EBF2: variants seen among roughly 807,000 people sequenced by gnomAD.
EBF2 encodes EBF transcription factor 2.
EBF2 carries 21 observed loss-of-function variants against 72.8 expected under a neutral mutation model. The ratio of observed to expected loss-of-function variants is 0.29; its 90% confidence interval spans 0.20 to 0.42. EBF2 has a LOEUF of 0.42. EBF2 is among the 10% of genes least tolerant of loss of function. EBF2 has a pLI of 1.00. For synonymous variants in EBF2, 299 were observed against 274.2 expected (o/e 1.09, Z -0.89); for missense variants, 637 against 731.2 (o/e 0.87, Z 1.49).
intron 7 of EBF2, among the ~76,000 whole-genome samples, chr8:25,904,418 G>C (rs1453961396): frequency 6.6e-6 from 1 of 151,642 alleles, no homozygotes; most frequent in Non-Finnish European, 1.5e-5. Flanking sequence ...AAAGAATCCA[G>C]GTTCCACCAG....
At chr8:25,986,963 A>G (rs1349416506) in intron 6 of EBF2, among the ~76,000 whole-genome samples, 1 of 152,160 alleles carries the variant, frequency 6.6e-6, no homozygotes, top group African/African-American at 2.4e-5. Flanking sequence ...CCTCACCCCC[A>G]TCAGCTCTGT....
At chr8:25,895,929 G>A (rs1030507213) in intron 7 of EBF2, among the ~76,000 whole-genome samples, 9 of 127,130 alleles carry the variant, frequency 7.1e-5, no homozygotes, top group Non-Finnish European at 9.2e-5. Context: ...GTGTATGTGT[G>A]TGTGTGTGTG....
At chr8:25,921,628 G>T (rs538653257) in intron 6 of EBF2, among the ~76,000 whole-genome samples, 33 of 152,270 alleles carry the variant, frequency 2.2e-4, no homozygotes, top group African/African-American at 7.0e-4. Context: ...TACCAAAAAT[G>T]AAATCTTTCT....
intron 6 of EBF2, among the ~76,000 whole-genome samples, chr8:25,976,732 C>T (rs1168885930): frequency 6.6e-6 from 1 of 152,166 alleles, no homozygotes; most frequent in African/African-American, 2.4e-5. Flanking sequence ...AATGTGTATA[C>T]ATTAGGGTTG....
chr8:25,951,264 G>A (rs1803856562), intron 6 of EBF2, among the ~76,000 whole-genome samples: 1 of 152,146 alleles, frequency 6.6e-6, no homozygotes, highest in African/African-American at 2.4e-5. Context: ...GACAGTGCCA[G>A]CAACTAGAAT....
At chr8:25,961,426 C>T (rs1430921317) in intron 6 of EBF2, among the ~76,000 whole-genome samples, 6 of 152,132 alleles carry the variant, frequency 3.9e-5, no homozygotes, top group Non-Finnish European at 5.9e-5. Context: ...TGCAGTGGCG[C>T]GATCTTGGCT....
chr8:25,871,558 G>A (rs1183837834), intron 10 of EBF2, among the ~76,000 whole-genome samples: 1 of 152,176 alleles, frequency 6.6e-6, no homozygotes, highest in African/African-American at 2.4e-5. Context: ...GGCATGGCAT[G>A]AAGTTAAATA....
At position 25,842,184 on chromosome 8, in the gene EBF2, A is replaced by C. The variant is rs1310704530; in HGVS notation, c.*2425T>G. On this transcript the variant is annotated 3_prime_UTR_variant, in exon 16 of 16. Coordinates refer to ENST00000520164, the MANE Select transcript of EBF2 (RefSeq NM_022659.4). ...TGGCACAAAAATAACTTGGGACTGG[A>C]ATGATTGAATAGCAATGACTAACGA... is the stretch of plus-strand genomic sequence containing the variant. 6.6e-6 allele frequency: 1 copy of C among 152,226 alleles called. No homozygotes were observed. Among genetic ancestry groups the C allele is most frequent in the African/African-American group, 2.4e-5 (1 of 41,462 alleles). 9.4% of individuals were successfully genotyped at this position (152,226 alleles called of 1,614,324 possible).
At chr8:26,027,079 G>A (rs528726558) in intron 6 of EBF2, among the ~76,000 whole-genome samples, 2 of 152,200 alleles carry the variant, frequency 1.3e-5, no homozygotes, top group African/African-American at 2.4e-5. Flanking sequence ...ACCCATTTCC[G>A]AGGAATGGGA....
At chr8:25,891,590 T>G (rs1022319584) in intron 7 of EBF2, among the ~76,000 whole-genome samples, 4 of 151,858 alleles carry the variant, frequency 2.6e-5, no homozygotes, top group Admixed American at 6.6e-5. Context: ...ATTTTTTTTT[T>G]TTTTTGAGAT....
chr8:25,859,575 T>C (rs772108038), intron 13 of EBF2, among the ~76,000 whole-genome samples: 10 of 152,184 alleles, frequency 6.6e-5, no homozygotes, highest in Non-Finnish European at 1.3e-4. Flanking sequence ...TCGTATCATA[T>C]GTCCTGGAAT....
chr8:25,908,382 T>G (rs972206407), intron 7 of EBF2, 92 bp downstream of exon 7: 2 of 982,430 alleles, frequency 2.0e-6, no homozygotes, highest in Non-Finnish European at 3.1e-6. Context: ...CAGTGAATAG[T>G]AATTTTTAAA....
In EBF2 at chr8:26,015,893, G is replaced by A. The variant is rs114573000; in HGVS notation, c.551+17192C>T. On this transcript the variant is annotated intron_variant, in intron 6 of 15. Transcript: ENST00000520164. The stretch of plus-strand genomic sequence containing the variant: ...CTCCTTAGCCCTGACCTGATGTGGT[G>A]CCTCCCCAGCACCACAATGCCCTCA... 1.7e-3 allele frequency among the ~76,000 whole-genome samples: 253 copies of A among 152,266 alleles called. 1 individual carries two copies. The highest frequency in any genetic ancestry group is 4.3e-3 in the African/African-American group (180 of 41,548).
At chr8:26,024,769 G>C (rs1288305718) in intron 6 of EBF2, among the ~76,000 whole-genome samples, 1 of 152,150 alleles carries the variant, frequency 6.6e-6, no homozygotes, top group Non-Finnish European at 1.5e-5. Context: ...TTTTTTTAAA[G>C]CATCTGTTGT....
At chr8:25,866,131 C>A (rs1466140311) in intron 10 of EBF2, among the ~76,000 whole-genome samples, 2 of 151,774 alleles carry the variant, frequency 1.3e-5, no homozygotes, top group Non-Finnish European at 2.9e-5. Context: ...TTCATATCAT[C>A]TACTTACAGT....
intron 6 of EBF2, among the ~76,000 whole-genome samples, chr8:26,001,940 G>C (rs1005925891): frequency 7.2e-5 from 11 of 152,104 alleles, no homozygotes; most frequent in African/African-American, 2.7e-4. Flanking sequence ...GCTCACATAG[G>C]AACTCCAGAA....
At chr8:26,040,425 C>T (rs1430766281) in intron 4 of EBF2, among the ~76,000 whole-genome samples, 191 bp downstream of exon 4, 5 of 149,778 alleles carry the variant, frequency 3.3e-5, no homozygotes, top group Non-Finnish European at 7.4e-5. Flanking sequence ...AAACAGGTCA[C>T]TTGGTGAGAC....
chr8:26,023,961 C>T (rs562873151), intron 6 of EBF2, among the ~76,000 whole-genome samples: 3 of 152,278 alleles, frequency 2.0e-5, no homozygotes, highest in South Asian at 4.1e-4. Context: ...CATGAAATGG[C>T]ACAACTCAAA....
intron 6 of EBF2, among the ~76,000 whole-genome samples, chr8:25,961,578 G>A (rs1804034456): frequency 6.6e-6 from 1 of 152,088 alleles, no homozygotes; most frequent in Non-Finnish European, 1.5e-5. Flanking sequence ...GGCCAGGCTG[G>A]TCTTGAACTC....
Sources: allele counts gnomAD v4.1 joint callset (sites outside exome capture counted in the v4.1 genomes callset), GRCh38; gene constraint gnomAD v4.1.1; transcripts MANE v1.5; gene names NCBI Gene and HGNC (gene_info 2026-07-23, HGNC 2026-07-21).